KCNQ5: variants seen among roughly 807,000 people sequenced by gnomAD.
The protein encoded by KCNQ5 is potassium voltage-gated channel subfamily KQT member 5.
In KCNQ5, 30 loss-of-function variants were observed where a neutral mutation model predicts 98.2. The ratio of observed to expected loss-of-function variants is 0.31; its 90% CI spans 0.23 to 0.41. The LOEUF is 0.41. Among genes scored for constraint, KCNQ5 ranks in the 10% least tolerant of loss-of-function variants. KCNQ5 has a pLI of 1.00. For missense variants in KCNQ5, 835 were observed against 1,182.5 expected (o/e 0.71, Z 4.31); for synonymous variants, 458 against 449.4 (o/e 1.02, Z -0.24).
In KCNQ5 at chr6:73,014,265, A is replaced by G. The variant is rs73753222; in HGVS notation, c.489+10267A>G. ...TAAAGTATTTATTTTAAGTTTTTAG[A>G]TGAAAATTGTCCATCATGTTGAGAA... On this transcript the variant is annotated intron_variant, in intron 2 of 13. Transcript: ENST00000370398. 3.6e-3 allele frequency among the ~76,000 whole-genome samples: 553 copies of G among 152,232 alleles called. 3 individuals are homozygous for G. The highest frequency in any genetic ancestry group is 0.012 in the African/African-American group (519 of 41,540).
At chr6:73,118,708 C>T (rs763643766) in intron 7 of KCNQ5, among the ~76,000 whole-genome samples, 10 of 152,132 alleles carry the variant, frequency 6.6e-5, no homozygotes, top group Admixed American at 3.9e-4. Flanking sequence ...GTGTTATGTA[C>T]TAGGGATGTG....
At chr6:72,819,971 T>C (rs1775677852) in intron 1 of KCNQ5, among the ~76,000 whole-genome samples, 1 of 152,178 alleles carries the variant, frequency 6.6e-6, no homozygotes, top group Admixed American at 6.5e-5. Flanking sequence ...TTCCTTCCTC[T>C]GCCTTTTGCT....
intron 1 of KCNQ5, among the ~76,000 whole-genome samples, chr6:72,762,219 G>A (rs964899531): frequency 6.6e-6 from 1 of 151,960 alleles, no homozygotes; most frequent in African/African-American, 2.4e-5. Context: ...GAAAGGAAAG[G>A]GTATCACAGT....
intron 1 of KCNQ5, among the ~76,000 whole-genome samples, chr6:72,987,996 C>T (rs1582145638): frequency 6.6e-6 from 1 of 152,092 alleles, no homozygotes; most frequent in Non-Finnish European, 1.5e-5. Flanking sequence ...AGACTAAGGA[C>T]AAGGACAAGG....
intron 1 of KCNQ5, among the ~76,000 whole-genome samples, chr6:72,923,700 C>T (rs886389044): frequency 6.6e-6 from 1 of 152,170 alleles, no homozygotes; most frequent in African/African-American, 2.4e-5. Context: ...ATTTGCCTTT[C>T]TCCCTGCCCT....
At chr6:73,056,180 G>A (rs746167567) in intron 3 of KCNQ5, among the ~76,000 whole-genome samples, 3 of 152,104 alleles carry the variant, frequency 2.0e-5, no homozygotes, top group Admixed American at 6.5e-5. Context: ...GCTGAGCTAC[G>A]ACCAATGAGG....
intron 1 of KCNQ5, among the ~76,000 whole-genome samples, chr6:72,846,182 TAAAAC>T (rs1222321803): frequency 6.6e-6 from 1 of 152,158 alleles, no homozygotes; most frequent in African/African-American, 2.4e-5. Context: ...AAATGAGACT[TAAAAC>T]TAAACAAACA....
intron 1 of KCNQ5, among the ~76,000 whole-genome samples, chr6:72,736,243 C>A (rs1770824804): frequency 6.6e-6 from 1 of 151,854 alleles, no homozygotes; most frequent in Admixed American, 6.5e-5. Context: ...CCCAAGAAAA[C>A]AAGAAAAATG....
intron 1 of KCNQ5, among the ~76,000 whole-genome samples, chr6:72,633,490 A>G (rs1301383655): frequency 1.3e-5 from 2 of 152,240 alleles, no homozygotes; most frequent in South Asian, 2.1e-4. Context: ...TACAGATTCA[A>G]TGTTATTCCT....
At chr6:72,809,197 T>A (rs1469252903) in intron 1 of KCNQ5, among the ~76,000 whole-genome samples, 4 of 125,956 alleles carry the variant, frequency 3.2e-5, no homozygotes, top group Admixed American at 9.7e-5. Flanking sequence ...AACAATGAGA[T>A]CACATGGACA....
intron 1 of KCNQ5, among the ~76,000 whole-genome samples, chr6:72,736,662 G>A (rs1770864650): frequency 6.7e-6 from 1 of 149,316 alleles, no homozygotes; most frequent in South Asian, 2.2e-4. Flanking sequence ...ACCACGCCCG[G>A]CTAATTTTTT....
intron 11 of KCNQ5, among the ~76,000 whole-genome samples, chr6:73,174,969 C>T (rs1166600787): frequency 6.6e-6 from 1 of 152,120 alleles, no homozygotes; most frequent in Non-Finnish European, 1.5e-5. Context: ...GAGCTCCACC[C>T]GCTTCCATGA....
intron 1 of KCNQ5, among the ~76,000 whole-genome samples, chr6:72,779,572 C>G (rs910044218): frequency 1.2e-4 from 18 of 151,966 alleles, no homozygotes; most frequent in Middle Eastern, 3.4e-3. Flanking sequence ...TGGATGAAGA[C>G]TGAGGAGAGT....
intron 8 of KCNQ5, among the ~76,000 whole-genome samples, chr6:73,121,080 A>G (rs934867721): frequency 1.4e-4 from 22 of 152,188 alleles, no homozygotes; most frequent in African/African-American, 5.3e-4. Context: ...AAAAAGAGAA[A>G]AATAGGAGTC....
chr6:72,897,188 A>G (rs563250451), intron 1 of KCNQ5, among the ~76,000 whole-genome samples: 11 of 152,152 alleles, frequency 7.2e-5, no homozygotes, highest in African/African-American at 2.7e-4. Flanking sequence ...ATAATGGGGG[A>G]AAAAATTGGA....
intron 1 of KCNQ5, among the ~76,000 whole-genome samples, chr6:72,801,076 G>A (rs1242779663): frequency 6.6e-6 from 1 of 152,088 alleles, no homozygotes; most frequent in East Asian, 1.9e-4. Context: ...TAGGTGTGGT[G>A]TGGTGCTGAA....
At chr6:72,658,821 C>G (rs1766355515) in intron 1 of KCNQ5, among the ~76,000 whole-genome samples, 1 of 151,902 alleles carries the variant, frequency 6.6e-6, no homozygotes, top group Admixed American at 6.6e-5. Context: ...CTCAGGTAAT[C>G]CACCTGCCTC....
At chr6:72,708,665 G>A (rs1451151364) in intron 1 of KCNQ5, among the ~76,000 whole-genome samples, 1 of 152,050 alleles carries the variant, frequency 6.6e-6, no homozygotes, top group East Asian at 1.9e-4. Flanking sequence ...GGGACTATAA[G>A]CCCACACCAC....
At chr6:73,006,605 A>T (rs1727005124) in intron 2 of KCNQ5, among the ~76,000 whole-genome samples, 1 of 152,164 alleles carries the variant, frequency 6.6e-6, no homozygotes, top group African/African-American at 2.4e-5. Flanking sequence ...GTGAACCGGG[A>T]TCGCACCACT....
Sources: allele counts gnomAD v4.1 joint callset (sites outside exome capture counted in the v4.1 genomes callset), GRCh38; gene constraint gnomAD v4.1.1; transcripts MANE v1.5; gene names NCBI Gene and HGNC (gene_info 2026-07-23, HGNC 2026-07-21).